PCDH9: variants seen among roughly 807,000 people sequenced by gnomAD.
PCDH9 encodes protocadherin 9.
Under a neutral mutation model 70.6 loss-of-function variants are expected in PCDH9, and 24 were observed. The observed-to-expected ratio is 0.34, with a 90% CI of 0.25 to 0.48. The LOEUF (loss-of-function observed/expected upper bound fraction) is 0.48. Ranked by LOEUF, PCDH9 falls within the 20% of genes least tolerant of loss-of-function variation. The pLI is 0.99. For missense variants in PCDH9, 1,281 were observed against 1,503.6 expected, an observed-to-expected ratio of 0.85 and a Z score of 2.45; for synonymous variants, 562 against 558.5, an observed-to-expected ratio of 1.01 and a Z score of -0.09.
chr13:67,051,390 T>C (rs974533009), intron 2 of PCDH9, among the ~76,000 whole-genome samples: 1 of 130,004 alleles, frequency 7.7e-6, no homozygotes, highest in African/African-American at 2.9e-5. Context: ...AGATTTTTTT[T>C]TTTTTTTTTT....
intron 4 of PCDH9, among the ~76,000 whole-genome samples, chr13:66,572,030 G>A (rs1406496016): frequency 2.6e-5 from 4 of 151,698 alleles, no homozygotes; most frequent in Non-Finnish European, 4.4e-5. Flanking sequence ...ATATAATTTC[G>A]ACTCAGAATT....
At chr13:67,056,983 T>C (rs117516487) in intron 2 of PCDH9, among the ~76,000 whole-genome samples, 1,980 of 152,312 alleles carry the variant, frequency 0.013, 23 homozygotes, top group Non-Finnish European at 0.019. Flanking sequence ...ATTACTACCA[T>C]ATCTGTCAGA....
At position 66,386,425 on chromosome 13, in the gene PCDH9, G is replaced by C. The variant is rs533827821; in HGVS notation, c.3341-81397C>G. 2.6e-5 allele frequency among the ~76,000 whole-genome samples: 4 copies of C among 152,222 alleles called. No homozygotes were observed. The South Asian group carries it at 8.3e-4, about 32-fold the overall frequency. ...GCAATGAACATGACTTTTTTGGATG[G>C]GGGTTGAACTGGTGAATTAAGTTTA... On this transcript the variant is annotated intron_variant, in intron 4 of 4. Coordinates refer to ENST00000377865, the MANE Select transcript of PCDH9 (RefSeq NM_203487.3).
At chr13:66,555,236 A>G (rs755595335) in intron 4 of PCDH9, among the ~76,000 whole-genome samples, 1 of 152,138 alleles carries the variant, frequency 6.6e-6, no homozygotes, top group Non-Finnish European at 1.5e-5. Context: ...ATATATTTGC[A>G]TTGGAGACAA....
chr13:67,227,849 C>T lies in PCDH9; in HGVS notation c.592G>A (p.Gly198Arg). The change falls in exon 2 of 5, where the codon GGA becomes AGA. Residue 198 changes from glycine to arginine, a missense_variant. This residue lies in a region of PCDH9 where 798 missense variants were observed against 1,003.1 expected (regional missense o/e 0.80). Coordinates refer to ENST00000377865, the MANE Select transcript of PCDH9 (RefSeq NM_203487.3). The surrounding 1 kb of genome is among the most constrained non-coding windows in gnomAD (Gnocchi z 4.6). ...ACAATCAGTTGTGGCCACTTCTCTC[C>T]CTCTGGAGTTTCCACGATATCCAGT... ...FGLDIVETPE[G>R]EKWPQLIVQQ... 6.2e-7 allele frequency: 1 copy of T among 1,613,950 alleles called. No individual in the cohort carries two copies. Among genetic ancestry groups the T allele is most frequent in the South Asian group, 1.1e-5 (1 of 91,070 alleles).
At chr13:66,708,311 A>G (rs2078743331) in intron 3 of PCDH9, among the ~76,000 whole-genome samples, 1 of 151,722 alleles carries the variant, frequency 6.6e-6, no homozygotes, top group Admixed American at 6.6e-5. Flanking sequence ...GGCCTCCCAA[A>G]GTGCTGGGAT....
At chr13:66,347,036 G>A (rs1216372815) in intron 4 of PCDH9, among the ~76,000 whole-genome samples, 1 of 152,124 alleles carries the variant, frequency 6.6e-6, no homozygotes, top group Non-Finnish European at 1.5e-5. Flanking sequence ...GAAGGGCTTT[G>A]TGTGTAAATA....
chr13:66,780,511 A>T (rs1238838741), intron 3 of PCDH9, among the ~76,000 whole-genome samples: 1 of 152,114 alleles, frequency 6.6e-6, no homozygotes, highest in African/African-American at 2.4e-5. Context: ...CTCAAATGCC[A>T]TTCTTTCAGA....
chr13:66,980,105 T>A (rs2083710112), intron 2 of PCDH9, among the ~76,000 whole-genome samples: 1 of 151,962 alleles, frequency 6.6e-6, no homozygotes, highest in Non-Finnish European at 1.5e-5. Context: ...TCTATCTATC[T>A]ATCTATCTAT....
intron 3 of PCDH9, among the ~76,000 whole-genome samples, chr13:66,803,104 GA>G (rs5804296): frequency 0.33 from 49,280 of 151,442 alleles, 8,638 homozygotes; most frequent in East Asian, 0.45. Flanking sequence ...TCATTCCTAT[GA>G]AAAAAAAATT....
At chr13:66,701,174 T>C (rs1283244795) in intron 3 of PCDH9, among the ~76,000 whole-genome samples, 2 of 151,530 alleles carry the variant, frequency 1.3e-5, no homozygotes, top group Admixed American at 1.3e-4. Flanking sequence ...CATCAGACTT[T>C]ATAGTGAGCT....
At chr13:66,634,774 T>C (rs2077616020) in intron 3 of PCDH9, among the ~76,000 whole-genome samples, 1 of 152,170 alleles carries the variant, frequency 6.6e-6, no homozygotes, top group Non-Finnish European at 1.5e-5. Context: ...TTTAAAGATG[T>C]GATTCCCTTA....
At chr13:66,556,074 G>A (rs371912788) in intron 4 of PCDH9, among the ~76,000 whole-genome samples, 7 of 151,234 alleles carry the variant, frequency 4.6e-5, no homozygotes, top group African/African-American at 1.7e-4. Flanking sequence ...GATAATATAT[G>A]TGTCTGTTCT....
chr13:66,677,296 C>G (rs2078256711), intron 3 of PCDH9, among the ~76,000 whole-genome samples: 1 of 152,066 alleles, frequency 6.6e-6, no homozygotes, highest in Non-Finnish European at 1.5e-5. Context: ...AGCCACTTGT[C>G]AACAATGTTT....
chr13:67,093,305 A>G (rs1190821434), intron 2 of PCDH9, among the ~76,000 whole-genome samples: 1 of 151,980 alleles, frequency 6.6e-6, no homozygotes, highest in Admixed American at 6.6e-5. Context: ...AAATACAAAA[A>G]TTAGCTGGAC....
At chr13:66,947,410 CA>C (rs1304893833) in intron 2 of PCDH9, among the ~76,000 whole-genome samples, 1 of 151,990 alleles carries the variant, frequency 6.6e-6, no homozygotes, top group African/African-American at 2.4e-5. Flanking sequence ...AATTGATAAT[CA>C]TGTTCTTTTT....
intron 2 of PCDH9, among the ~76,000 whole-genome samples, chr13:67,199,728 T>A (rs932184948): frequency 6.6e-6 from 1 of 152,138 alleles, no homozygotes; most frequent in Non-Finnish European, 1.5e-5. Context: ...ACATTTGTTA[T>A]CTTGGACTTT....
intron 3 of PCDH9, among the ~76,000 whole-genome samples, chr13:66,662,360 C>T (rs928979491): frequency 1.3e-5 from 2 of 151,894 alleles, no homozygotes; most frequent in African/African-American, 2.4e-5. Flanking sequence ...GTAATCCCAG[C>T]TACTTGGGAG....
intron 2 of PCDH9, among the ~76,000 whole-genome samples, chr13:66,945,287 C>A (rs2083070769): frequency 6.6e-6 from 1 of 152,028 alleles, no homozygotes; most frequent in African/African-American, 2.4e-5. Context: ...CAGCCCCAAG[C>A]AACTAGTTCT....
Sources: gnomAD v4.1 joint callset for allele counts (sites outside exome capture counted in the v4.1 genomes callset) on GRCh38, gnomAD v4.1.1 for gene constraint, gnomAD v4.1.1 regional missense constraint, Gnocchi (gnomAD v3.1) non-coding constraint, MANE v1.5 for transcripts, NCBI Gene and HGNC (gene_info 2026-07-23, HGNC 2026-07-21) for gene names.